TEK: variants seen among roughly 807,000 people sequenced by gnomAD.
TEK encodes the protein TEK receptor tyrosine kinase.
Under a neutral mutation model 131.8 loss-of-function variants are expected in TEK, and 43 were observed. The observed-to-expected ratio is 0.33, with a 90% CI of 0.26 to 0.42. The LOEUF is 0.42. TEK is among the 10% of genes least tolerant of loss of function. The pLI is 1.00. For synonymous variants in TEK, 580 were observed against 491.6 expected, an observed-to-expected ratio of 1.18 and a Z score of -2.38; for missense variants, 1,162 against 1,384.4, an observed-to-expected ratio of 0.84 and a Z score of 2.55.
At chr9:27,136,677 C>A (rs1009590982) in intron 1 of TEK, among the ~76,000 whole-genome samples, 1 of 152,158 alleles carries the variant, frequency 6.6e-6, no homozygotes, top group African/African-American at 2.4e-5. Context: ...GAAGCAGTTT[C>A]TACAGAGGCA....
intron 21 of TEK, among the ~76,000 whole-genome samples, chr9:27,225,437 A>G (rs2131260368): frequency 6.6e-6 from 1 of 152,274 alleles, no homozygotes; most frequent in South Asian, 2.1e-4. Context: ...ATAACACCAC[A>G]CATCTACAAC....
At position 27,213,645 on chromosome 9, in the gene TEK, C is replaced by T. The variant is rs202240676; in HGVS notation, c.2991+48C>T. ...GATCGCATCCTTTCCGAGGTACTCC[C>T]CTGTCTCCTGATGTTGCTTCTGAGA... is the stretch of plus-strand genomic sequence containing the variant. On this transcript the variant is annotated intron_variant, in intron 18 of 22. Transcript: ENST00000380036. The T allele has an allele frequency of 1.4e-5, 20 of 1,402,746 alleles. No homozygotes were observed. The East Asian group carries it at 4.6e-4, about 32-fold the overall frequency. The allele number at this position is 1,402,746 out of a possible 1,614,324, so 86.9% of individuals were successfully genotyped here. A position where few individuals can be genotyped will look rare whatever the true frequency, so the allele number is the denominator to read the frequency against.
intron 3 of TEK, among the ~76,000 whole-genome samples, 155 bp downstream of exon 3, chr9:27,168,760 C>T (rs1823837609): frequency 6.6e-6 from 1 of 152,104 alleles, no homozygotes; most frequent in Admixed American, 6.6e-5. Context: ...GATAGAAGCC[C>T]TCTTAGGTGA....
chr9:27,228,018 T>A lies in TEK; in HGVS notation c.3201-188T>A, dbSNP rs534032402. Reference sequence around the variant, plus strand: ...AACAGTACCGAGGGTAGGAACTAAATCTATGAGGAGTTGAAATGAGACTGG... The same window carrying A: ...AACAGTACCGAGGGTAGGAACTAAAACTATGAGGAGTTGAAATGAGACTGG... On this transcript the variant is annotated intron_variant, in intron 21 of 22. Transcript: ENST00000380036. 2.7e-4 allele frequency among the ~76,000 whole-genome samples: 41 copies of A among 152,156 alleles called. 1 individual carries two copies. The highest frequency in any genetic ancestry group is 3.4e-3 in the Middle Eastern group (1 of 294).
At chr9:27,177,645 G>A (rs1041690822) in intron 6 of TEK, among the ~76,000 whole-genome samples, 3 of 152,200 alleles carry the variant, frequency 2.0e-5, no homozygotes, top group Admixed American at 6.5e-5. Flanking sequence ...AGCTACTTGG[G>A]GGGCTGAGGC....
At chr9:27,175,930 T>C (rs544229983) in intron 6 of TEK, among the ~76,000 whole-genome samples, 7 of 152,262 alleles carry the variant, frequency 4.6e-5, no homozygotes, top group African/African-American at 7.2e-5. Context: ...TTCTCCCATT[T>C]TGTAGGTTGC....
chr9:27,200,981 CT>C (rs1825194019), intron 12 of TEK, among the ~76,000 whole-genome samples: 1 of 152,170 alleles, frequency 6.6e-6, no homozygotes, highest in Non-Finnish European at 1.5e-5. Context: ...CCCCACCATG[CT>C]ACAAATGTCT....
chr9:27,222,001 T>G (rs2131252126), intron 21 of TEK, among the ~76,000 whole-genome samples: 1 of 152,296 alleles, frequency 6.6e-6, no homozygotes, highest in African/African-American at 2.4e-5. Flanking sequence ...GAAAAAAGGT[T>G]AGATGAATTG....
rs562789717 is a variant in TEK at position 27,132,760 on chromosome 9, C to T, written c.52+23118C>T. 1.2e-4 allele frequency among the ~76,000 whole-genome samples: 19 copies of T among 152,152 alleles called. 1 individual carries two copies. In the South Asian group the frequency reaches 2.9e-3, roughly 23 times the overall value. ...GTTCAGGTGGGAAAATGTAGACATA[C>T]AGAAAAATGTTTTTAAATGTATGGT... is the stretch of plus-strand genomic sequence containing the variant. On this transcript the variant is annotated intron_variant, in intron 1 of 22. Coordinates refer to ENST00000380036, the MANE Select transcript of TEK (RefSeq NM_000459.5).
At chr9:27,187,053 A>G (rs751096074) in intron 9 of TEK, among the ~76,000 whole-genome samples, 6 of 152,228 alleles carry the variant, frequency 3.9e-5, no homozygotes, top group Non-Finnish European at 8.8e-5. Context: ...ATATGCAGAC[A>G]AGAAAAATTA....
chr9:27,211,329 C>T (rs891363156), intron 16 of TEK, among the ~76,000 whole-genome samples: 3 of 148,568 alleles, frequency 2.0e-5, no homozygotes, highest in Non-Finnish European at 4.5e-5. Flanking sequence ...TGAGAAAGCA[C>T]ATGTATACCA....
chr9:27,142,874 C>T (rs1021342696), intron 1 of TEK, among the ~76,000 whole-genome samples: 2 of 152,124 alleles, frequency 1.3e-5, no homozygotes, highest in East Asian at 1.9e-4. Flanking sequence ...TGTGAGAACT[C>T]ATTAAAAACA....
At chr9:27,166,422 G>A (rs1177724997) in intron 2 of TEK, among the ~76,000 whole-genome samples, 1 of 152,092 alleles carries the variant, frequency 6.6e-6, no homozygotes, top group African/African-American at 2.4e-5. Flanking sequence ...GGATTTGTCA[G>A]TTTCTTTAAT....
intron 1 of TEK, among the ~76,000 whole-genome samples, chr9:27,122,026 AT>A (rs1199303680): frequency 6.6e-6 from 1 of 152,216 alleles, no homozygotes; most frequent in Non-Finnish European, 1.5e-5. Context: ...TGTTAATAAA[AT>A]TATAGACAAG....
intron 14 of TEK, 46 bp downstream of exon 14, chr9:27,205,111 C>G (rs781197566): frequency 6.2e-7 from 1 of 1,609,656 alleles, no homozygotes; most frequent in Non-Finnish European, 8.5e-7. Flanking sequence ...AGTCCAAGTA[C>G]AGGCAGAACC....
chr9:27,226,421 G>A lies in TEK; in HGVS notation c.3201-1785G>A, dbSNP rs531005637. On this transcript the variant is annotated intron_variant, in intron 21 of 22. Coordinates refer to ENST00000380036, the MANE Select transcript of TEK (RefSeq NM_000459.5). ...CAGCCATAAGAAAGGATGAGTTCTTGTCCTTTGGACGGACATGGATGAAGC... is the reference window on the plus strand; with the variant it reads ...CAGCCATAAGAAAGGATGAGTTCTTATCCTTTGGACGGACATGGATGAAGC... 1.9e-3 allele frequency among the ~76,000 whole-genome samples: 291 copies of A among 152,350 alleles called. 2 individuals carry two copies. Among genetic ancestry groups the A allele is most frequent in the African/African-American group, 6.6e-3 (273 of 41,574 alleles).
chr9:27,152,448 G>A (rs749000902), intron 1 of TEK, among the ~76,000 whole-genome samples: 8 of 151,444 alleles, frequency 5.3e-5, no homozygotes, highest in Non-Finnish European at 8.8e-5. Flanking sequence ...CAAGCATGTT[G>A]TGCTGCAGTG....
intron 1 of TEK, among the ~76,000 whole-genome samples, chr9:27,144,853 C>A (rs542654753): frequency 2.1e-4 from 32 of 152,060 alleles, no homozygotes; most frequent in African/African-American, 7.0e-4. Flanking sequence ...CTGTCCTGTT[C>A]GAGAGGGAAG....
At chr9:27,180,469 C>CT in intron 7 of TEK, 101 bp downstream of exon 7, 1 of 1,505,852 alleles carries the variant, frequency 6.6e-7, no homozygotes, top group Non-Finnish European at 9.0e-7. Flanking sequence ...CCTCAAGCCT[C>CT]TTTTGTTTCC....
Sources: gnomAD v4.1 joint callset for allele counts (sites outside exome capture counted in the v4.1 genomes callset) on GRCh38, gnomAD v4.1.1 for gene constraint, MANE v1.5 for transcripts, NCBI Gene and HGNC (gene_info 2026-07-23, HGNC 2026-07-21) for gene names.